C3orf33: variants seen among roughly 807,000 people sequenced by gnomAD.
C3orf33 encodes mitochondrial inner membrane subdomain organizer 1.
Under a neutral mutation model 28.7 loss-of-function variants are expected in C3orf33, and 23 were observed. The ratio of observed to expected loss-of-function variants is 0.80; its 90% CI spans 0.58 to 1.13. The LOEUF (loss-of-function observed/expected upper bound fraction) is 1.13, where lower values mean the gene tolerates loss of function less well. Among genes scored for constraint, C3orf33 ranks in the 50% most tolerant of loss-of-function variants. The probability of loss-of-function intolerance (pLI) is 0.00; values close to 1 mark genes in which losing one functional copy is unlikely to be tolerated. For synonymous variants in C3orf33, 119 were observed against 120.5 expected (o/e 0.99, Z 0.08); for missense variants, 327 against 353.4 (o/e 0.93, Z 0.60).
At chr3:155,803,582 A>G (rs112895025) in intron 1 of C3orf33, among the ~76,000 whole-genome samples, 33 of 145,978 alleles carry the variant, frequency 2.3e-4, no homozygotes, top group African/African-American at 8.3e-4. Context: ...AAAAAAAAAA[A>G]AAAGAAATGA....
chr3:155,795,960 A>C (rs923141291), intron 2 of C3orf33, among the ~76,000 whole-genome samples: 1 of 149,920 alleles, frequency 6.7e-6, no homozygotes, highest in African/African-American at 2.4e-5. Context: ...CATCTAAAAA[A>C]ATAATAATAA....
At chr3:155,804,408 C>G (rs1274088988) in intron 1 of C3orf33, among the ~76,000 whole-genome samples, 2 of 152,110 alleles carry the variant, frequency 1.3e-5, no homozygotes, top group African/African-American at 4.8e-5. Flanking sequence ...TTCAATGATG[C>G]TACAAATATT....
At chr3:155,778,020 C>T (rs1262933601) in intron 2 of C3orf33, among the ~76,000 whole-genome samples, 1 of 151,200 alleles carries the variant, frequency 6.6e-6, no homozygotes, top group African/African-American at 2.4e-5. Context: ...CATGGTGGTG[C>T]GTACTTGTAG....
chr3:155,778,223 T>C (rs1455054770), intron 2 of C3orf33, among the ~76,000 whole-genome samples: 2 of 151,018 alleles, frequency 1.3e-5, no homozygotes, highest in Non-Finnish European at 2.9e-5. Flanking sequence ...GTAAATATAA[T>C]GCATGATCCT....
At chr3:155,793,460 C>T (rs1751376587) in intron 2 of C3orf33, among the ~76,000 whole-genome samples, 1 of 150,950 alleles carries the variant, frequency 6.6e-6, no homozygotes, top group South Asian at 2.1e-4. Flanking sequence ...ACAGAAAGTA[C>T]AAAGAAAAAC....
At chr3:155,790,163 CAAAAAAAAAAA>C (rs35285462) in intron 2 of C3orf33, among the ~76,000 whole-genome samples, 3 of 38,694 alleles carry the variant, frequency 7.8e-5, no homozygotes, top group African/African-American at 3.4e-4. Flanking sequence ...AACTCTGTCT[CAAAAAAAAAAA>C]AAAAAAAAAA....
rs1448611005 is a variant in C3orf33, at chr3:155,778,862, C to A, written c.175-3014G>T. Among the ~76,000 whole-genome samples, 3 of 152,148 alleles carry A rather than the reference C, an allele frequency of 2.0e-5. No homozygotes were observed. The East Asian group carries it at 5.8e-4, about 29-fold the overall frequency. ...ACTCTGACCTCCAGTTTAATATGAT[C>A]ATGAATGACTTGAATGATAGCATGA... On this transcript the variant is annotated intron_variant, in intron 2 of 4. Transcript: ENST00000340171.
At chr3:155,795,644 T>A (rs1236653750) in intron 2 of C3orf33, among the ~76,000 whole-genome samples, 1 of 151,930 alleles carries the variant, frequency 6.6e-6, no homozygotes, top group Non-Finnish European at 1.5e-5. Flanking sequence ...GAAAGAAATT[T>A]AAAAATTTCT....
At chr3:155,765,205 A>T (rs1750367435) in intron 4 of C3orf33, among the ~76,000 whole-genome samples, 1 of 152,214 alleles carries the variant, frequency 6.6e-6, no homozygotes. Flanking sequence ...TAGGCTCAGG[A>T]GCCAGGAAGA....
intron 3 of C3orf33, among the ~76,000 whole-genome samples, chr3:155,771,019 G>GTGTT (rs1477245778): frequency 2.7e-5 from 1 of 37,078 alleles, no homozygotes; most frequent in South Asian, 5.4e-4. Flanking sequence ...CTCTGCCACT[G>GTGTT]TGTGTGTGTG....
chr3:155,781,629 T>C (rs7372113), intron 2 of C3orf33, among the ~76,000 whole-genome samples: 8,225 of 150,508 alleles, frequency 0.055, 296 homozygotes, highest in South Asian at 0.079. Context: ...ATTAGCCGGG[T>C]GTGGTGGCAC....
intron 3 of C3orf33, among the ~76,000 whole-genome samples, chr3:155,773,098 A>G (rs1750640555): frequency 6.6e-6 from 1 of 152,168 alleles, no homozygotes; most frequent in African/African-American, 2.4e-5. Flanking sequence ...ATAAACATCT[A>G]TTTCTATTAC....
rs113164645 is a variant in C3orf33 at position 155,791,517 on chromosome 3, G to A, written c.174+11015C>T. ...GCCACAATGGGGTAAAGCACCACAT[G>A]GCCTCTTGGGGTCCCCAAGTCCAGG... On this transcript the variant is annotated intron_variant, in intron 2 of 4. Transcript: ENST00000340171. 1.4e-3 allele frequency among the ~76,000 whole-genome samples: 217 copies of A among 152,118 alleles called. 3 individuals carry two copies. Among genetic ancestry groups the A allele is most frequent in the African/African-American group, 4.4e-3 (183 of 41,508 alleles).
intron 2 of C3orf33, among the ~76,000 whole-genome samples, chr3:155,788,415 T>G (rs1034160394): frequency 6.6e-6 from 1 of 152,072 alleles, no homozygotes; most frequent in East Asian, 1.9e-4. Context: ...CTGGGCGCAG[T>G]GGCTCATGCC....
chr3:155,767,567 C>T lies in C3orf33; in HGVS notation c.425G>A (p.Trp142Ter). 6.3e-7 allele frequency: 1 copy of T among 1,595,746 alleles called. No individual in the cohort carries two copies. Residue 142 changes from tryptophan (W) to a stop codon, truncating the protein, a stop_gained, in exon 4 of 5, where the codon TGG (tryptophan) becomes TAG (stop). Coordinates refer to ENST00000340171, the MANE Select transcript of C3orf33 (RefSeq NM_001308229.2). LOFTEE classifies it high-confidence loss of function. Reference sequence around the variant, plus strand: ...ATTCTCCTTTCCAAGAAGTTGGAACCATAGTAATTGGGAAGGTTTTAGCTC... The same window carrying T: ...ATTCTCCTTTCCAAGAAGTTGGAACTATAGTAATTGGGAAGGTTTTAGCTC... ...QKELKPSQLL[W>*]FQLLGKENSA...
chr3:155,762,787 T>G lies in C3orf33; in HGVS notation c.*730A>C, dbSNP rs1750274350. 1 of 152,126 alleles carries G rather than the reference T, an allele frequency of 6.6e-6. No individual in the cohort carries two copies. Among genetic ancestry groups the G allele is most frequent in the Non-Finnish European group, 1.5e-5 (1 of 68,054 alleles). The allele number at this position is 152,126 out of a possible 1,614,324, so 9.4% of individuals were successfully genotyped here. On this transcript the variant is annotated 3_prime_UTR_variant, in exon 5 of 5. Coordinates refer to ENST00000340171, the MANE Select transcript of C3orf33 (RefSeq NM_001308229.2). ...GGGAGGCTCAGGCAGGAGAATCACT[T>G]GAATCCAGGAGGCGGAGGTTGCAGT...
chr3:155,790,755 C>T lies in C3orf33; in HGVS notation c.174+11777G>A, dbSNP rs141502904. Among the ~76,000 whole-genome samples, 703 of 152,230 alleles carry T rather than the reference C, an allele frequency of 4.6e-3. 10 individuals are homozygous for T. The highest frequency in any genetic ancestry group is 0.016 in the African/African-American group (656 of 41,534). ...TCAGATAAAACTGAGCCGGGGCCCA[C>T]AGAGGAAGTATTTAGACCAGCCCTA... On this transcript the variant is annotated intron_variant, in intron 2 of 4. Coordinates refer to ENST00000340171, the MANE Select transcript of C3orf33 (RefSeq NM_001308229.2).
rs3068982 is a variant in C3orf33 at position 155,770,962 on chromosome 3, CTG to C, written c.323-3295_323-3294del. On this transcript the variant is annotated intron_variant, in intron 3 of 4. Coordinates refer to ENST00000340171, the MANE Select transcript of C3orf33 (RefSeq NM_001308229.2). ...GTGCTGGGATTACAGGCATGAACCACTGTGTGTGTGTGTGTGTGTGTGTGTGT... is the reference window on the plus strand; with the variant it reads ...GTGCTGGGATTACAGGCATGAACCACTGTGTGTGTGTGTGTGTGTGTGTGT... Among the ~76,000 whole-genome samples, 1,105 of 129,902 alleles carry C rather than the reference CTG, an allele frequency of 8.5e-3. 25 individuals are homozygous for C. The highest frequency in any genetic ancestry group is 0.025 in the African/African-American group (851 of 33,374). The allele number at this position is 129,902 out of a possible 152,430, so 85.2% of individuals were successfully genotyped here.
rs368264756 is a variant in C3orf33 at position 155,802,835 on chromosome 3, ATATT to A, written c.115-248_115-245del. ...CTGGCACACAGAGACATTTATATATATATTTAAACATATATACATACATGTATAT... is the reference window on the plus strand; with the variant it reads ...CTGGCACACAGAGACATTTATATATATAAACATATATACATACATGTATAT... On this transcript the variant is annotated intron_variant, in intron 1 of 4. Coordinates refer to ENST00000340171, the MANE Select transcript of C3orf33 (RefSeq NM_001308229.2). Among the ~76,000 whole-genome samples, 416 of 152,198 alleles carry A rather than the reference ATATT, an allele frequency of 2.7e-3. 1 individual carries two copies. The highest frequency in any genetic ancestry group is 8.8e-3 in the African/African-American group (365 of 41,514).
Sources: allele counts gnomAD v4.1 joint callset (sites outside exome capture counted in the v4.1 genomes callset), GRCh38; gene constraint gnomAD v4.1.1; transcripts MANE v1.5; gene names NCBI Gene and HGNC (gene_info 2026-07-23, HGNC 2026-07-21).